Variants in CNIH3 observed in about 807,000 individuals in gnomAD.
CNIH3 encodes protein cornichon homolog 3.
A neutral mutation model predicts 24.1 loss-of-function variants in CNIH3; 14 were observed. The observed-to-expected ratio is 0.58, with a 90% CI of 0.38 to 0.91. The LOEUF is 0.91. CNIH3 is among the 40% of genes least tolerant of loss of function. CNIH3 has a pLI of 0.00. For synonymous variants in CNIH3, 68 were observed against 73.8 expected (o/e 0.92, Z 0.40); for missense variants, 178 against 196.8 (o/e 0.90, Z 0.57).
At chr1:224,451,779 A>T (rs1428043590) in intron 1 of CNIH3, among the ~76,000 whole-genome samples, 3 of 152,200 alleles carry the variant, frequency 2.0e-5, no homozygotes, top group Admixed American at 6.5e-5. Context: ...TTCTATCCCC[A>T]GTCAGATTGC....
Position 224,616,401 on chromosome 1 carries a change from T to C in CNIH3, c.-774T>C. 3.2e-6 allele frequency: 3 copies of C among 931,760 alleles called. No homozygotes were observed. The highest frequency in any genetic ancestry group is 3.9e-6 in the Non-Finnish European group (3 of 774,328). 57.7% of individuals were successfully genotyped at this position (931,760 alleles called of 1,614,324 possible). On this transcript the variant is annotated 5_prime_UTR_variant, in exon 1 of 6. Transcript: ENST00000272133. ...CAGCGTTTGGCCTGAAACCCACTGC[T>C]GCAGCCACCCGGGCTGGAGTTGGCC...
At chr1:224,567,371 A>C (rs980106784) in intron 4 of CNIH3, among the ~76,000 whole-genome samples, 1 of 152,110 alleles carries the variant, frequency 6.6e-6, no homozygotes, top group Admixed American at 6.5e-5. Flanking sequence ...GCTTTAGTTT[A>C]ATTAGATCCC....
intron 3 of CNIH3, among the ~76,000 whole-genome samples, chr1:224,609,029 G>A (rs562162186): frequency 3.3e-5 from 5 of 152,230 alleles, no homozygotes; most frequent in South Asian, 2.1e-4. Flanking sequence ...TCTCTGGCAC[G>A]GGGCCACAAC....
intron 1 of CNIH3, among the ~76,000 whole-genome samples, chr1:224,645,565 C>T (rs2125097886): frequency 6.6e-6 from 1 of 152,378 alleles, no homozygotes; most frequent in East Asian, 1.9e-4. Flanking sequence ...TCCTGATGTG[C>T]TTATTTCCAA....
chr1:224,454,067 C>T (rs999156487), intron 1 of CNIH3, among the ~76,000 whole-genome samples: 3 of 152,170 alleles, frequency 2.0e-5, no homozygotes, highest in African/African-American at 4.8e-5. Context: ...ACTGAGGTTT[C>T]CTCTCTTCCG....
At chr1:224,693,301 A>G (rs1440413656) in intron 3 of CNIH3, among the ~76,000 whole-genome samples, 1 of 152,170 alleles carries the variant, frequency 6.6e-6, no homozygotes, top group Non-Finnish European at 1.5e-5. Flanking sequence ...CAAATCCCTA[A>G]CACATGGGCA....
downstream of CNIH3, among the ~76,000 whole-genome samples, chr1:224,540,319 C>T (rs1233462770): frequency 2.0e-5 from 3 of 152,146 alleles, no homozygotes; most frequent in Non-Finnish European, 4.4e-5. Flanking sequence ...GCTTTCTAAA[C>T]CCTTCAATTT....
chr1:224,490,500 GGT>G (rs1241823195), intron 1 of CNIH3, among the ~76,000 whole-genome samples: 1 of 152,104 alleles, frequency 6.6e-6, no homozygotes, highest in Non-Finnish European at 1.5e-5. Flanking sequence ...TTTTCTTTAT[GGT>G]CAAGTTCTTT....
chr1:224,453,934 A>G (rs1159217571), intron 1 of CNIH3, among the ~76,000 whole-genome samples: 1 of 152,086 alleles, frequency 6.6e-6, no homozygotes, highest in African/African-American at 2.4e-5. Context: ...GTTTGTTTAG[A>G]CACTAGTCAT....
intron 3 of CNIH3, among the ~76,000 whole-genome samples, chr1:224,685,433 A>G (rs1024689450): frequency 1.3e-5 from 2 of 152,172 alleles, no homozygotes; most frequent in Non-Finnish European, 2.9e-5. Flanking sequence ...ACACAGTTCA[A>G]ACTTGGTATT....
chr1:224,719,411 A>C (rs1376047995), intron 3 of CNIH3, among the ~76,000 whole-genome samples: 1 of 152,200 alleles, frequency 6.6e-6, no homozygotes, highest in Non-Finnish European at 1.5e-5. Context: ...ATTTGCAAGT[A>C]CTAGAGAGTG....
chr1:224,602,943 GT>G, intron 3 of CNIH3, among the ~76,000 whole-genome samples: 1 of 152,268 alleles, frequency 6.6e-6, no homozygotes, highest in East Asian at 1.9e-4. Context: ...TAAATTTAGA[GT>G]TTATTTAGCC....
At chr1:224,571,815 A>C (rs1388148061) in intron 4 of CNIH3, among the ~76,000 whole-genome samples, 5 of 152,274 alleles carry the variant, frequency 3.3e-5, no homozygotes, top group South Asian at 2.1e-4. Context: ...GGTGGAAAGC[A>C]AAAGAGAGAG....
intron 1 of CNIH3, among the ~76,000 whole-genome samples, chr1:224,667,623 C>T (rs1382117343): frequency 1.3e-5 from 2 of 152,156 alleles, no homozygotes; most frequent in African/African-American, 2.4e-5. Context: ...TGCACTTTAC[C>T]TATTAGACTG....
chr1:224,684,656 G>A lies in CNIH3; in HGVS notation c.151-140G>A. ...CTCTGTTAGAAAAAGCCACTGGGTG[G>A]GAGCATGCTGGCCATGTGCCCAGGA... On this transcript the variant is annotated intron_variant, in intron 2 of 5. Transcript: ENST00000272133. The surrounding 1 kb of genome is among the most constrained non-coding windows in gnomAD (Gnocchi z 4.2). The A allele has an allele frequency of 1.4e-6, 1 of 727,206 alleles. No individual in the cohort carries two copies. The highest frequency in any genetic ancestry group is 1.6e-5 in the South Asian group (1 of 64,496). 45.0% of individuals were successfully genotyped at this position (727,206 alleles called of 1,614,324 possible).
chr1:224,563,460 G>GGTGTGTGTGTGT (rs55836837), intron 3 of CNIH3, among the ~76,000 whole-genome samples: 21 of 146,476 alleles, frequency 1.4e-4, no homozygotes, highest in East Asian at 1.2e-3. Flanking sequence ...TTTTAGACGG[G>GGTGTGTGTGTGT]GTGTGTGTGT....
intron 3 of CNIH3, among the ~76,000 whole-genome samples, chr1:224,691,047 G>A (rs1237163666): frequency 6.6e-6 from 1 of 152,222 alleles, no homozygotes; most frequent in Admixed American, 6.5e-5. Context: ...TGGAAGAGAT[G>A]GGAAGTGGAT....
chr1:224,564,356 C>T (rs1680495288), intron 3 of CNIH3, among the ~76,000 whole-genome samples: 3 of 152,190 alleles, frequency 2.0e-5, no homozygotes, highest in Admixed American at 2.0e-4. Flanking sequence ...TAGCTCTAAC[C>T]ATGACATGAA....
At chr1:224,499,761 A>G (rs1677578062) in intron 1 of CNIH3, among the ~76,000 whole-genome samples, 1 of 152,060 alleles carries the variant, frequency 6.6e-6, no homozygotes, top group African/African-American at 2.4e-5. Flanking sequence ...CTTCTGGGAC[A>G]AAAGAAGTCT....
Sources: allele counts gnomAD v4.1 joint callset (sites outside exome capture counted in the v4.1 genomes callset), GRCh38; gene constraint gnomAD v4.1.1; non-coding constraint Gnocchi (gnomAD v3.1); transcripts MANE v1.5; gene names NCBI Gene and HGNC (gene_info 2026-07-23, HGNC 2026-07-21).